ZNF577: variants seen among roughly 807,000 people sequenced by gnomAD.
The protein encoded by ZNF577 is zinc finger protein 577.
ZNF577 carries 14 observed loss-of-function variants against 13.9 expected under a neutral mutation model. The observed-to-expected ratio is 1.00, with a 90% CI of 0.66 to 1.57. ZNF577 has a LOEUF of 1.57. ZNF577 is among the 40% of genes most tolerant of loss of function. The pLI is 0.00. For missense variants in ZNF577, 555 were observed against 579.2 expected (o/e 0.96, Z 0.43); for synonymous variants, 203 against 202.9 (o/e 1.00, Z 0.00).
chr19:51,873,751 T>G (rs75574457), intron 5 of ZNF577, 45 bp from the exon 6 acceptor site: 8 of 1,407,178 alleles, frequency 5.7e-6, no homozygotes, highest in Non-Finnish European at 7.8e-6. Context: ...AAACTTATTG[T>G]GTCTTTACAT....
downstream of ZNF577, chr19:51,863,052 T>C (rs2084520868): frequency 6.6e-6 from 1 of 152,222 alleles, no homozygotes; most frequent in Non-Finnish European, 1.5e-5. Flanking sequence ...TAATGAAGGC[T>C]TTTTGACATT....
chr19:51,840,755 T>A (rs183889304), intron 8 of ZNF577: 9 of 152,296 alleles, frequency 5.9e-5, no homozygotes, highest in African/African-American at 2.2e-4. Context: ...AATACAAGGA[T>A]GTTTTATCCC....
At chr19:51,877,547 G>GT (rs2122693095) in intron 4 of ZNF577, 170 bp from the exon 5 acceptor site, 1 of 583,936 alleles carries the variant, frequency 1.7e-6, no homozygotes, top group East Asian at 2.9e-5. Flanking sequence ...AACAGTCTGC[G>GT]TGACACACCC....
In ZNF577 at chr19:51,869,114, AAGCC is replaced by A. The variant is rs2084613674; in HGVS notation, c.*3414_*3417del. On this transcript the variant is annotated 3_prime_UTR_variant, in exon 6 of 6. Transcript: ENST00000638348. ...GGAAGGGAAAGACCTGACCGTCCCCAAGCCCGATACCCATAAAGGGTCTGTGCTG... is the reference window on the plus strand; with the variant it reads ...GGAAGGGAAAGACCTGACCGTCCCCACGATACCCATAAAGGGTCTGTGCTG... 2.6e-5 allele frequency among the ~76,000 whole-genome samples: 4 copies of A among 152,234 alleles called. No homozygotes were observed. In the East Asian group the frequency reaches 7.8e-4, roughly 30 times the overall value.
At chr19:51,833,891 A>G (rs956144826) in intron 9 of ZNF577, among the ~76,000 whole-genome samples, 1 of 152,174 alleles carries the variant, frequency 6.6e-6, no homozygotes, top group African/African-American at 2.4e-5. Context: ...TTCACATCGT[A>G]ATTGTACATG....
At chr19:51,881,483 A>G (rs1244908283) in intron 1 of ZNF577, among the ~76,000 whole-genome samples, 1 of 152,196 alleles carries the variant, frequency 6.6e-6, no homozygotes, top group Non-Finnish European at 1.5e-5. Flanking sequence ...ACTCATTATT[A>G]TTTCCATCCT....
At chr19:51,845,224 G>C (rs962006535) in intron 5 of ZNF577, among the ~76,000 whole-genome samples, 1 of 152,156 alleles carries the variant, frequency 6.6e-6, no homozygotes, top group East Asian at 1.9e-4. Context: ...GCCGGGCACG[G>C]TGGCTCACAC....
In ZNF577 at chr19:51,824,391, T is replaced by G; in HGVS notation, c.*600-12717A>C. 6.2e-7 allele frequency: 1 copy of G among 1,614,146 alleles called. No individual in the cohort carries two copies. Among genetic ancestry groups the G allele is most frequent in the Non-Finnish European group, 8.5e-7 (1 of 1,180,008 alleles). On this transcript the variant is annotated intron_variant and NMD_transcript_variant, in intron 9 of 10. Transcript: ENST00000638827. The surrounding 1 kb of genome is among the most constrained non-coding windows in gnomAD (Gnocchi z 4.7). ...CATTATTGGCTTCAGCGTGCCTATG[T>G]CCATCATCACAGTCTGCTATGGGAT...
intron 5 of ZNF577, among the ~76,000 whole-genome samples, chr19:51,853,854 T>TC (rs1370689644): frequency 1.3e-5 from 2 of 152,224 alleles, no homozygotes; most frequent in Admixed American, 6.5e-5. Flanking sequence ...TACATTATTA[T>TC]AAGCTCCAAG....
At chr19:51,854,794 C>T (rs1002957178) in intron 5 of ZNF577, among the ~76,000 whole-genome samples, 7 of 152,034 alleles carry the variant, frequency 4.6e-5, no homozygotes, top group African/African-American at 1.7e-4. Flanking sequence ...GAAAGTATAC[C>T]ATATGTTTCT....
At chr19:51,860,726 G>A (rs946012442) in intron 5 of ZNF577, 2 of 243,080 alleles carry the variant, frequency 8.2e-6, no homozygotes, top group Non-Finnish European at 1.6e-5. Context: ...GTATCTACAT[G>A]AAGGCTTTAC....
chr19:51,852,375 C>T (rs1384723045), intron 5 of ZNF577, among the ~76,000 whole-genome samples: 2 of 152,192 alleles, frequency 1.3e-5, no homozygotes, highest in South Asian at 2.1e-4. Context: ...CCAAAAGTTG[C>T]AAGGAGTGTG....
chr19:51,821,063 C>T (rs750628605), intron 9 of ZNF577, among the ~76,000 whole-genome samples: 1 of 152,206 alleles, frequency 6.6e-6, no homozygotes, highest in Non-Finnish European at 1.5e-5. Context: ...CATGACACAG[C>T]ACACAGCCTG....
At chr19:51,863,740 T>C (rs2084529247), downstream of ZNF577, among the ~76,000 whole-genome samples, 1 of 152,198 alleles carries the variant, frequency 6.6e-6, no homozygotes, top group Non-Finnish European at 1.5e-5. Context: ...GATGAAAACA[T>C]ACATAGGGAC....
intron 5 of ZNF577, among the ~76,000 whole-genome samples, chr19:51,848,944 G>A (rs1391922643): frequency 6.6e-6 from 1 of 151,110 alleles, no homozygotes; most frequent in Non-Finnish European, 1.5e-5. Flanking sequence ...ATAATGAGCT[G>A]GAAAAAAATC....
intron 4 of ZNF577, 199 bp from the exon 5 acceptor site, chr19:51,877,576 A>G: frequency 2.4e-6 from 1 of 418,070 alleles, no homozygotes; most frequent in South Asian, 6.3e-5. Context: ...TAGGATGGCT[A>G]CTATCAAAAA....
intron 9 of ZNF577, among the ~76,000 whole-genome samples, chr19:51,817,264 A>G (rs2084143910): frequency 6.6e-6 from 1 of 152,170 alleles, no homozygotes. Flanking sequence ...ACAGGACACC[A>G]TTGGTTTAAA....
intron 9 of ZNF577, among the ~76,000 whole-genome samples, chr19:51,820,994 A>G (rs1019153452): frequency 6.6e-6 from 1 of 152,164 alleles, no homozygotes; most frequent in Admixed American, 6.5e-5. Context: ...CACTATTGCT[A>G]TGAGCATTGT....
intron 9 of ZNF577, among the ~76,000 whole-genome samples, chr19:51,813,010 T>G (rs1308346796): frequency 2.6e-5 from 4 of 151,798 alleles, no homozygotes; most frequent in African/African-American, 9.7e-5. Context: ...TTCTAGCTAC[T>G]GGGGAGGCTG....
Sources: allele counts gnomAD v4.1 joint callset (sites outside exome capture counted in the v4.1 genomes callset), GRCh38; gene constraint gnomAD v4.1.1; non-coding constraint Gnocchi (gnomAD v3.1); transcripts MANE v1.5; gene names NCBI Gene and HGNC (gene_info 2026-07-23, HGNC 2026-07-21).